The following RNF170 variants were observed in gnomAD, a reference collection of about 807,000 sequenced individuals.
RNF170 encodes ring finger protein 170.
In RNF170, 12 loss-of-function variants were observed where a neutral mutation model predicts 32.7. That is an observed-to-expected ratio of 0.37 (90% CI 0.24 to 0.60). The LOEUF is 0.60. RNF170 is among the 20% of genes least tolerant of loss of function. The probability of loss-of-function intolerance (pLI) is 0.72; values close to 1 mark genes in which losing one functional copy is unlikely to be tolerated. For missense variants in RNF170, 212 were observed against 311.2 expected (o/e 0.68, Z 2.40); for synonymous variants, 91 against 103.6 (o/e 0.88, Z 0.74).
At chr8:42,878,220 A>G (rs1292358532) in intron 2 of RNF170, among the ~76,000 whole-genome samples, 1 of 152,316 alleles carries the variant, frequency 6.6e-6, no homozygotes, top group South Asian at 2.1e-4. Context: ...TAGGTGTTCA[A>G]GTGAAAGGAA....
Position 42,878,710 on chromosome 8 carries a change from C to T in RNF170, c.138-4704G>A, listed in dbSNP as rs185319745. Among the ~76,000 whole-genome samples, 15 of 152,348 alleles carry T rather than the reference C, an allele frequency of 9.8e-5. No homozygotes were observed. In the South Asian group the frequency reaches 1.7e-3, roughly 17 times the overall value. ...CTAAGATCATTGATGAAGGTGGCTACGCTCAACAACACATTTTTATGTAGA... is the reference window on the plus strand; with the variant it reads ...CTAAGATCATTGATGAAGGTGGCTATGCTCAACAACACATTTTTATGTAGA... On this transcript the variant is annotated intron_variant, in intron 2 of 6. Transcript: ENST00000527424.
At position 42,855,907 on chromosome 8, in the gene RNF170, T is replaced by G. The variant is rs985132016; in HGVS notation, c.*252A>C. On this transcript the variant is annotated 3_prime_UTR_variant, in exon 7 of 7. Transcript: ENST00000527424. ...CCCTTTTTATATAATTCCATATTTT[T>G]TCCAGACAACATAGAATCAAGATAC... 3.2e-6 allele frequency: 4 copies of G among 1,260,108 alleles called. No homozygotes were observed. In the African/African-American group the frequency reaches 6.1e-5, roughly 19 times the overall value. 78.1% of individuals were successfully genotyped at this position (1,260,108 alleles called of 1,614,324 possible).
At chr8:42,872,892 A>T (rs2128936925) in intron 3 of RNF170, among the ~76,000 whole-genome samples, 1 of 152,156 alleles carries the variant, frequency 6.6e-6, no homozygotes, top group Non-Finnish European at 1.5e-5. Flanking sequence ...AAATTATAAA[A>T]CCCTTATTGG....
At chr8:42,878,243 T>C (rs1805107262) in intron 2 of RNF170, among the ~76,000 whole-genome samples, 1 of 152,180 alleles carries the variant, frequency 6.6e-6, no homozygotes, top group African/African-American at 2.4e-5. Flanking sequence ...CTTGCATGTC[T>C]CTCACTTCAC....
intron 4 of RNF170, among the ~76,000 whole-genome samples, chr8:42,869,677 G>A (rs1804380227): frequency 6.6e-6 from 1 of 152,158 alleles, no homozygotes; most frequent in Non-Finnish European, 1.5e-5. Flanking sequence ...TGAACAAAGA[G>A]GGACTCAGTG....
In RNF170 at chr8:42,856,284, C is replaced by CT. The variant is rs1274840944; in HGVS notation, c.651dup (p.Asp218ArgfsTer5). The stretch of plus-strand genomic sequence containing the variant: ...CCAAACAAGGCTTCAGGTACAAAAT[C>CT]TAGAGGTGATATAAGATAGAAAAAA... On this transcript the variant is annotated frameshift_variant, in exon 7 of 7. Transcript: ENST00000527424. LOFTEE classifies it high-confidence loss of function. 1 of 1,597,962 alleles carries CT rather than the reference C, an allele frequency of 6.3e-7. No homozygotes were observed. The highest frequency in any genetic ancestry group is 1.8e-5 in the Admixed American group (1 of 55,614).
chr8:42,852,577 C>A (rs1802968308), downstream of RNF170, among the ~76,000 whole-genome samples: 1 of 152,050 alleles, frequency 6.6e-6, no homozygotes, highest in African/African-American at 2.4e-5. Flanking sequence ...GCCACCACAC[C>A]TGGCTAATTT....
chr8:42,893,131 C>T (rs1347299980), intron 1 of RNF170, among the ~76,000 whole-genome samples: 6 of 152,096 alleles, frequency 3.9e-5, no homozygotes. Flanking sequence ...AGTCAGGAAT[C>T]ATATCTTATT....
chr8:42,893,109 TG>T (rs1806450535), intron 1 of RNF170, among the ~76,000 whole-genome samples: 1 of 152,242 alleles, frequency 6.6e-6, no homozygotes, highest in African/African-American at 2.4e-5. Context: ...TTTTAAAGAA[TG>T]AATTCCTTTC....
intron 4 of RNF170, among the ~76,000 whole-genome samples, chr8:42,867,410 G>T (rs1346866816): frequency 7.0e-6 from 1 of 143,642 alleles, no homozygotes; most frequent in Non-Finnish European, 1.5e-5. Context: ...GGTGGAGGTT[G>T]CAGTGAGCCA....
chr8:42,863,980 A>AGTGTGTGTGTGTGTGAGTGT (rs1803883023), intron 5 of RNF170, among the ~76,000 whole-genome samples: 1 of 139,512 alleles, frequency 7.2e-6, no homozygotes, highest in Admixed American at 7.2e-5. Flanking sequence ...AGAGAGAGAG[A>AGTGTGTGTGTGTGTGAGTGT]GTGTGTGTGT....
At chr8:42,873,403 A>G (rs1804669613) in intron 3 of RNF170, among the ~76,000 whole-genome samples, 1 of 152,054 alleles carries the variant, frequency 6.6e-6, no homozygotes, top group Non-Finnish European at 1.5e-5. Flanking sequence ...ACAATATCCT[A>G]TTTATTCCAG....
At position 42,855,646 on chromosome 8, in the gene RNF170, C is replaced by T; in HGVS notation, c.*513G>A. 1 of 1,285,368 alleles carries T rather than the reference C, an allele frequency of 7.8e-7. No homozygotes were observed. Among genetic ancestry groups the T allele is most frequent in the Non-Finnish European group, 1.0e-6 (1 of 987,154 alleles). The allele number at this position is 1,285,368 out of a possible 1,614,324, so 79.6% of individuals were successfully genotyped here. On this transcript the variant is annotated 3_prime_UTR_variant, in exon 7 of 7. Coordinates refer to ENST00000527424, the MANE Select transcript of RNF170 (RefSeq NM_030954.4). ...AATTAATTATACCAGAATGAAAAGG[C>T]AGAACTGCTCCAAATGCACAAAACT...
intron 2 of RNF170, among the ~76,000 whole-genome samples, chr8:42,875,125 C>G (rs1341746251): frequency 6.7e-6 from 1 of 150,126 alleles, no homozygotes; most frequent in African/African-American, 2.5e-5. Context: ...GATCTGAGAT[C>G]ACGCCATTGC....
chr8:42,875,702 G>A (rs1048803288), intron 2 of RNF170, among the ~76,000 whole-genome samples: 1 of 152,076 alleles, frequency 6.6e-6, no homozygotes, highest in African/African-American at 2.4e-5. Flanking sequence ...TCAGCCTCCT[G>A]AGTAGCTGGG....
At chr8:42,870,600 T>A (rs1014533084) in intron 3 of RNF170, among the ~76,000 whole-genome samples, 3 of 151,922 alleles carry the variant, frequency 2.0e-5, no homozygotes, top group Non-Finnish European at 4.4e-5. Context: ...GGTGGTGGCA[T>A]GCGCCTGTAG....
chr8:42,850,533 G>C, downstream of RNF170: 1 of 519,330 alleles, frequency 1.9e-6, no homozygotes, highest in Non-Finnish European at 3.5e-6. Flanking sequence ...TTAATGTGTT[G>C]AGCACTACTG....
chr8:42,897,259 C>A, upstream of RNF170: 1 of 1,092,342 alleles, frequency 9.2e-7, no homozygotes, highest in Non-Finnish European at 1.2e-6. Context: ...CCACGCGCGG[C>A]CCGTGGGGCG....
intron 4 of RNF170, among the ~76,000 whole-genome samples, chr8:42,869,501 C>T (rs1804366076): frequency 1.3e-5 from 2 of 152,162 alleles, no homozygotes. Context: ...TTGAGAGAGA[C>T]AGAGACAGAG....
Sources: gnomAD v4.1 joint callset for allele counts (sites outside exome capture counted in the v4.1 genomes callset) on GRCh38, gnomAD v4.1.1 for gene constraint, MANE v1.5 for transcripts, NCBI Gene and HGNC (gene_info 2026-07-23, HGNC 2026-07-21) for gene names.